COL4A2: variants seen among roughly 807,000 people sequenced by gnomAD.
The protein encoded by COL4A2 is collagen type IV alpha 2 chain.
In COL4A2, 99 loss-of-function variants were observed where a neutral mutation model predicts 200.2. The observed-to-expected ratio is 0.49, with a 90% CI of 0.42 to 0.58. The LOEUF (loss-of-function observed/expected upper bound fraction) is 0.58. COL4A2 is among the 20% of genes least tolerant of loss of function. The pLI is 0.00. For synonymous variants in COL4A2, 897 were observed against 900.6 expected (o/e 1.00, Z 0.07); for missense variants, 1,950 against 2,314.1 (o/e 0.84, Z 3.23).
chr13:110,503,258 G>A lies in COL4A2; in HGVS notation c.4015G>A (p.Val1339Met), dbSNP rs749164047. ...GDSGPQGRPG[V>M]FGLPGEKGPR... is the part of the protein sequence containing the mutation. Reference sequence around the variant, plus strand: ...CTCCGGGCCCCAGGGCAGGCCTGGTGTGTTTGGTCTCCCAGGAGAAAAAGG... The same window carrying A: ...CTCCGGGCCCCAGGGCAGGCCTGGTATGTTTGGTCTCCCAGGAGAAAAAGG... Residue 1339 changes from valine (V) to methionine (M), a missense_variant, in exon 42 of 48, where the codon GTG becomes ATG. By Grantham distance (21) the Val-to-Met change is conservative. This residue lies in a region of COL4A2 where 1,385 missense variants were observed against 1,720.5 expected (regional missense o/e 0.80). Coordinates refer to ENST00000360467, the MANE Select transcript of COL4A2 (RefSeq NM_001846.4). The A allele has an allele frequency of 2.5e-6, 4 of 1,607,712 alleles. No homozygotes were observed. Among genetic ancestry groups the A allele is most frequent in the Admixed American group, 1.7e-5 (1 of 57,868 alleles).
At chr13:110,358,508 A>G (rs2139389593) in intron 4 of COL4A2, among the ~76,000 whole-genome samples, 1 of 152,354 alleles carries the variant, frequency 6.6e-6, no homozygotes, top group South Asian at 2.1e-4. Flanking sequence ...TGCAGAAAAC[A>G]GTGACGCAGT....
At chr13:110,471,453 C>A (rs945813037) in intron 28 of COL4A2, among the ~76,000 whole-genome samples, 1 of 152,170 alleles carries the variant, frequency 6.6e-6, no homozygotes, top group Admixed American at 6.5e-5. Flanking sequence ...CCTTCTGTCG[C>A]CACATGCAGA....
chr13:110,365,520 G>A (rs988827891), intron 4 of COL4A2, among the ~76,000 whole-genome samples: 1 of 152,162 alleles, frequency 6.6e-6, no homozygotes, highest in Non-Finnish European at 1.5e-5. Flanking sequence ...GTCACAAAGG[G>A]CTCTGTGACC....
chr13:110,416,861 G>A (rs1390530549), intron 4 of COL4A2, among the ~76,000 whole-genome samples: 1 of 152,228 alleles, frequency 6.6e-6, no homozygotes, highest in African/African-American at 2.4e-5. Context: ...CAGTTCTGCT[G>A]CCCTGTGGGC....
intron 3 of COL4A2, among the ~76,000 whole-genome samples, chr13:110,339,688 C>A (rs1267503133): frequency 6.6e-6 from 1 of 152,206 alleles, no homozygotes; most frequent in Admixed American, 6.5e-5. Flanking sequence ...GAAATCTGAT[C>A]TTTGAACCTG....
Position 110,445,828 on chromosome 13 carries a change from G to A in COL4A2, c.958-1G>A. 3 of 1,614,200 alleles carry A rather than the reference G, an allele frequency of 1.9e-6. No individual in the cohort carries two copies. Among genetic ancestry groups the A allele is most frequent in the Non-Finnish European group, 2.5e-6 (3 of 1,180,030 alleles). On this transcript the variant is annotated splice_acceptor_variant, in intron 16 of 47. Transcript: ENST00000360467. LOFTEE classifies it high-confidence loss of function. ...ATTAAAAGCAAATATCTTTCTTGCA[G>A]GGAAGCCGAGGCCTGGATGGCTATC...
intron 20 of COL4A2, among the ~76,000 whole-genome samples, chr13:110,453,396 G>A (rs1881614884): frequency 6.6e-6 from 1 of 152,120 alleles, no homozygotes; most frequent in Admixed American, 6.5e-5. Flanking sequence ...AGTTACTCGG[G>A]AGGCTGAGGC....
intron 35 of COL4A2, 88 bp from the exon 36 acceptor site, chr13:110,489,623 G>A: frequency 1.3e-6 from 2 of 1,593,496 alleles, no homozygotes; most frequent in South Asian, 2.2e-5. Context: ...AATTATTCTT[G>A]TTAGGAATAT....
intron 3 of COL4A2, among the ~76,000 whole-genome samples, chr13:110,317,626 A>G (rs1415450011): frequency 6.6e-6 from 1 of 152,220 alleles, no homozygotes; most frequent in Non-Finnish European, 1.5e-5. Flanking sequence ...AGGATGACCA[A>G]GAAATACATG....
intron 3 of COL4A2, 127 bp from the exon 4 acceptor site, chr13:110,357,345 C>T: frequency 7.3e-7 from 1 of 1,371,208 alleles, no homozygotes; most frequent in Non-Finnish European, 9.8e-7. Flanking sequence ...TTTAAAAAAG[C>T]CTTATTGAAT....
rs374976511 is a variant in COL4A2, at chr13:110,424,986, G to C, written c.349G>C (p.Asp117His). Reference sequence around the variant, plus strand: ...AGGCGTTTCTGGATTCCCTGGTGCCGATGGAATTCCTGTAAGTTTTATGGA... The same window carrying C: ...AGGCGTTTCTGGATTCCCTGGTGCCCATGGAATTCCTGTAAGTTTTATGGA... Reference protein sequence around the residue: ...ARGVSGFPGADGIPGHPGQGG... With the variant: ...ARGVSGFPGAHGIPGHPGQGG... The change falls in exon 6 of 48, where the codon GAT becomes CAT. Residue 117 changes from aspartate (D) to histidine (H), a missense_variant. Around this residue, in one of 2 missense-constraint regions of COL4A2, gnomAD observed 565 missense variants for 593.5 expected, o/e 0.95. Transcript: ENST00000360467. 10 of 1,614,122 alleles carry C rather than the reference G, an allele frequency of 6.2e-6. No individual in the cohort carries two copies. The African/African-American group carries it at 1.1e-4, about 17-fold the overall frequency.
intron 3 of COL4A2, among the ~76,000 whole-genome samples, chr13:110,323,427 G>A (rs765712254): frequency 2.0e-5 from 3 of 152,230 alleles, no homozygotes; most frequent in Non-Finnish European, 4.4e-5. Context: ...CAGCCGTCTT[G>A]CTGTTTGCTT....
At position 110,438,131 on chromosome 13, in the gene COL4A2, C is replaced by G. The variant is rs1880968796; in HGVS notation, c.861+94C>G. ...CGGGGTGCACCATGCGCTCGGGGCC[C>G]GCACACCGCCAGTCTCTCATCCCCT... On this transcript the variant is annotated intron_variant, in intron 14 of 47. Transcript: ENST00000360467. The G allele has an allele frequency of 5.4e-6, 5 of 929,066 alleles. No individual in the cohort carries two copies. In the South Asian group the frequency reaches 7.0e-5, roughly 13 times the overall value. 57.6% of individuals were successfully genotyped at this position (929,066 alleles called of 1,614,324 possible). A position where few individuals can be genotyped will look rare whatever the true frequency, so the allele number is the denominator to read the frequency against.
At chr13:110,492,557 C>A (rs1304154162) in intron 38 of COL4A2, among the ~76,000 whole-genome samples, 1 of 152,218 alleles carries the variant, frequency 6.6e-6, no homozygotes, top group Non-Finnish European at 1.5e-5. Flanking sequence ...CTTACAGCCC[C>A]GAGACGGGCC....
intron 39 of COL4A2, 151 bp downstream of exon 39, chr13:110,493,433 G>A (rs1310007302): frequency 2.0e-5 from 15 of 737,208 alleles, no homozygotes; most frequent in East Asian, 1.9e-4. Context: ...CGTGAGGGGC[G>A]GGTCCGGGCC....
intron 3 of COL4A2, among the ~76,000 whole-genome samples, chr13:110,356,914 T>C (rs1877297533): frequency 6.6e-6 from 1 of 152,074 alleles, no homozygotes; most frequent in Admixed American, 6.6e-5. Context: ...TACCGGTGCC[T>C]GCCACCACGC....
At chr13:110,398,705 GAAAA>G (rs556780248) in intron 4 of COL4A2, among the ~76,000 whole-genome samples, 43 of 151,364 alleles carry the variant, frequency 2.8e-4, no homozygotes, top group African/African-American at 1.0e-3. Context: ...AAGAAAGAAA[GAAAA>G]AGAAAGAAAG....
chr13:110,457,603 A>G (rs1881820208), intron 21 of COL4A2, 168 bp downstream of exon 21: 7 of 699,150 alleles, frequency 1.0e-5, no homozygotes, highest in African/African-American at 1.8e-5. Context: ...AGGGAGGCGC[A>G]TGGAGCCAGT....
chr13:110,356,753 C>T (rs1419074677), intron 3 of COL4A2, among the ~76,000 whole-genome samples: 7 of 146,848 alleles, frequency 4.8e-5, no homozygotes, highest in African/African-American at 7.5e-5. Context: ...TGCTTGGCAT[C>T]GGGCAGTTTA....
Sources: gnomAD v4.1 joint callset for allele counts (sites outside exome capture counted in the v4.1 genomes callset) on GRCh38, gnomAD v4.1.1 for gene constraint, gnomAD v4.1.1 regional missense constraint, MANE v1.5 for transcripts, NCBI Gene and HGNC (gene_info 2026-07-23, HGNC 2026-07-21) for gene names.